Variants in KAZN observed in about 807,000 individuals in gnomAD.
KAZN encodes kazrin, periplakin interacting protein, also known as kazrin.
KAZN carries 40 observed loss-of-function variants against 87.4 expected under a neutral mutation model. The observed-to-expected ratio is 0.46, with a 90% CI of 0.36 to 0.60. The LOEUF (loss-of-function observed/expected upper bound fraction) is 0.60. Ranked by LOEUF, KAZN falls within the 20% of genes least tolerant of loss-of-function variation. The pLI is 0.00. For missense variants in KAZN, 898 were observed against 1,073.9 expected, an observed-to-expected ratio of 0.84 and a Z score of 2.29; for synonymous variants, 466 against 458.3, an observed-to-expected ratio of 1.02 and a Z score of -0.22.
chr1:14,619,602 C>T (rs561427738), intron 1 of KAZN, among the ~76,000 whole-genome samples: 4 of 152,268 alleles, frequency 2.6e-5, no homozygotes, highest in East Asian at 1.9e-4. Flanking sequence ...AGTACTTTCA[C>T]GATGTTTTGC....
chr1:14,179,550 TTTTTC>T (rs1442863534), intron 1 of KAZN, among the ~76,000 whole-genome samples: 2 of 152,200 alleles, frequency 1.3e-5, no homozygotes, highest in Non-Finnish European at 2.9e-5. Flanking sequence ...GATAATGACA[TTTTTC>T]TTTTCATAAT....
At chr1:14,101,525 G>T (rs1177461209) in intron 1 of KAZN, among the ~76,000 whole-genome samples, 1 of 152,222 alleles carries the variant, frequency 6.6e-6, no homozygotes, top group Non-Finnish European at 1.5e-5. Flanking sequence ...AGGGATTGAA[G>T]GGAGAGGGCT....
At chr1:14,201,744 C>T (rs1457683845) in intron 2 of KAZN, among the ~76,000 whole-genome samples, 4 of 152,246 alleles carry the variant, frequency 2.6e-5, no homozygotes, top group Non-Finnish European at 4.4e-5. Context: ...TCTCGGCTCA[C>T]TGCAACCTCC....
At chr1:14,872,529 G>C (rs1250169565) in intron 1 of KAZN, among the ~76,000 whole-genome samples, 1 of 152,202 alleles carries the variant, frequency 6.6e-6, no homozygotes, top group African/African-American at 2.4e-5. Flanking sequence ...AATATTCATT[G>C]CATCCCTTAA....
rs538104728 is a variant in KAZN, at chr1:15,011,636, G to C, written c.419-23113G>C. ...AGTGTTTTTGTTTCTGTGCTAGCAG[G>C]GTGCCAAGTCACCAAACTTAAAGCC... is the stretch of plus-strand genomic sequence containing the variant. On this transcript the variant is annotated intron_variant, in intron 2 of 14. Coordinates refer to ENST00000376030, the MANE Select transcript of KAZN (RefSeq NM_201628.3). Among the ~76,000 whole-genome samples, 3 of 152,196 alleles carry C rather than the reference G, an allele frequency of 2.0e-5. No individual in the cohort carries two copies. In the East Asian group the frequency reaches 5.8e-4, roughly 29 times the overall value.
intron 1 of KAZN, chr1:14,924,282 G>T (rs1181146356): frequency 7.1e-6 from 7 of 983,236 alleles, no homozygotes; most frequent in South Asian, 4.6e-5. Context: ...CCGATGCGGC[G>T]GCGACCTCCG....
rs1281632633 is a variant in KAZN at position 14,888,100 on chromosome 1, G to A, written c.227-72584G>A. 3.4e-4 allele frequency among the ~76,000 whole-genome samples: 51 copies of A among 152,178 alleles called. 1 individual carries two copies. The highest frequency in any genetic ancestry group is 3.3e-3 in the Admixed American group (51 of 15,276). ...TCATTGCCACTGCTTTAATGAGAAA[G>A]GGAAATCAAGCAATCGGGACATTCC... On this transcript the variant is annotated intron_variant, in intron 1 of 14. Coordinates refer to ENST00000376030, the MANE Select transcript of KAZN (RefSeq NM_201628.3).
intron 2 of KAZN, among the ~76,000 whole-genome samples, chr1:14,259,580 G>A (rs1650851042): frequency 6.6e-6 from 1 of 152,170 alleles, no homozygotes; most frequent in African/African-American, 2.4e-5. Flanking sequence ...TGTGGTTCAG[G>A]AATCATCTGA....
rs751859453 is a variant in KAZN at position 15,112,469 on chromosome 1, TGGCAGGGCCTCCAGCGTCACGCG to T, written c.2098_2120del (p.Ala700LysfsTer33). The stretch of plus-strand genomic sequence containing the variant: ...AGGCTGAGCGTTTTGGAACGCCCCC[TGGCAGGGCCTCCAGCGTCACGCG>T]GGCAGGAAAGGAGGAGAACAGCAGC... On this transcript the variant is annotated frameshift_variant, in exon 14 of 15. Coordinates refer to ENST00000376030, the MANE Select transcript of KAZN (RefSeq NM_201628.3). LOFTEE classifies it high-confidence loss of function. The T allele has an allele frequency of 6.2e-7, 1 of 1,606,962 alleles. No homozygotes were observed. The highest frequency in any genetic ancestry group is 8.5e-7 in the Non-Finnish European group (1 of 1,177,506).
At chr1:14,584,496 G>A (rs928158759) in intron 2 of KAZN, among the ~76,000 whole-genome samples, 4 of 152,210 alleles carry the variant, frequency 2.6e-5, no homozygotes, top group African/African-American at 9.6e-5. Flanking sequence ...TCCCAGTTGT[G>A]AGAGCCATAA....
chr1:13,894,179 A>G (rs1638945031), intron 1 of KAZN, among the ~76,000 whole-genome samples: 1 of 152,112 alleles, frequency 6.6e-6, no homozygotes, highest in African/African-American at 2.4e-5. Context: ...TGTTTAATCT[A>G]TGCCCCCCCA....
intron 1 of KAZN, among the ~76,000 whole-genome samples, chr1:14,661,350 A>G (rs1222163698): frequency 6.6e-6 from 1 of 152,120 alleles, no homozygotes; most frequent in Non-Finnish European, 1.5e-5. Context: ...TTGAGGCCCC[A>G]TGGACCTGTG....
chr1:14,373,737 C>T (rs920433259), intron 2 of KAZN, among the ~76,000 whole-genome samples: 1 of 152,080 alleles, frequency 6.6e-6, no homozygotes, highest in African/African-American at 2.4e-5. Flanking sequence ...GGAGACAGGC[C>T]TGGAGTGGTG....
chr1:14,655,609 G>A (rs1638742151), intron 1 of KAZN, among the ~76,000 whole-genome samples: 1 of 152,180 alleles, frequency 6.6e-6, no homozygotes, highest in South Asian at 2.1e-4. Flanking sequence ...AGCAGGCTTA[G>A]CTGCTGCGAC....
intron 2 of KAZN, among the ~76,000 whole-genome samples, chr1:14,344,229 A>C (rs1657948015): frequency 6.8e-6 from 1 of 146,326 alleles, no homozygotes; most frequent in Admixed American, 6.9e-5. Context: ...TAAGACAGTC[A>C]CCATCAGTCA....
At chr1:14,062,438 C>T (rs917140509) in intron 1 of KAZN, among the ~76,000 whole-genome samples, 2 of 152,104 alleles carry the variant, frequency 1.3e-5, no homozygotes, top group Non-Finnish European at 2.9e-5. Context: ...TTCTAAATGG[C>T]TTTGTTAGGG....
chr1:14,280,115 C>A (rs940570268), intron 2 of KAZN, among the ~76,000 whole-genome samples: 1 of 152,170 alleles, frequency 6.6e-6, no homozygotes, highest in South Asian at 2.1e-4. Context: ...GTAATCCCAG[C>A]GCTTCGGGAG....
intron 2 of KAZN, among the ~76,000 whole-genome samples, chr1:14,246,626 G>A (rs1027516828): frequency 6.6e-6 from 1 of 152,038 alleles, no homozygotes; most frequent in Non-Finnish European, 1.5e-5. Flanking sequence ...CCAACACCCC[G>A]ATTGCATTCT....
chr1:14,214,142 T>C (rs1042615902), intron 2 of KAZN, among the ~76,000 whole-genome samples: 3 of 152,230 alleles, frequency 2.0e-5, no homozygotes, highest in African/African-American at 7.2e-5. Context: ...TAATTGATTT[T>C]TAAAATCATG....
Sources: gnomAD v4.1 joint callset for allele counts (sites outside exome capture counted in the v4.1 genomes callset) on GRCh38, gnomAD v4.1.1 for gene constraint, MANE v1.5 for transcripts, NCBI Gene and HGNC (gene_info 2026-07-23, HGNC 2026-07-21) for gene names.